Variants in MPPED2 observed in about 807,000 individuals in gnomAD.
MPPED2 encodes metallophosphoesterase domain containing 2, also known as metallophosphoesterase MPPED2.
Under a neutral mutation model 33.0 loss-of-function variants are expected in MPPED2, and 5 were observed. The ratio of observed to expected loss-of-function variants is 0.15; its 90% CI spans 0.08 to 0.32. The LOEUF (loss-of-function observed/expected upper bound fraction) is 0.32. MPPED2 is among the 10% of genes least tolerant of loss of function. The probability of loss-of-function intolerance (pLI) is 1.00; values close to 1 mark genes in which losing one functional copy is unlikely to be tolerated. For synonymous variants in MPPED2, 136 were observed against 141.9 expected, an observed-to-expected ratio of 0.96 and a Z score of 0.29; for missense variants, 275 against 372.1, an observed-to-expected ratio of 0.74 and a Z score of 2.15.
In MPPED2 at chr11:30,509,035, C is replaced by A. The variant is rs377696036; in HGVS notation, c.311-13514G>T. The stretch of plus-strand genomic sequence containing the variant: ...ATGTGGATATGATTAGCGAAGACCT[C>A]AATTTTGGCTACAAAATGGCCTTTA... On this transcript the variant is annotated intron_variant, in intron 3 of 6. Coordinates refer to ENST00000358117, the MANE Select transcript of MPPED2 (RefSeq NM_001584.3). Among the ~76,000 whole-genome samples, 80 of 152,272 alleles carry A rather than the reference C, an allele frequency of 5.3e-4. No individual in the cohort carries two copies. The South Asian group carries it at 0.015, about 29-fold the overall frequency.
exon 7 of MPPED2, chr11:30,386,945 C>T: frequency 2.5e-6 from 1 of 393,234 alleles, no homozygotes; most frequent in Non-Finnish European, 4.5e-6. Flanking sequence ...TAACGTTTAC[C>T]ACAGTCCCGC....
intron 3 of MPPED2, among the ~76,000 whole-genome samples, chr11:30,505,558 C>T (rs1350472945): frequency 6.6e-6 from 1 of 152,196 alleles, no homozygotes; most frequent in African/African-American, 2.4e-5. Flanking sequence ...CCAAACTTTC[C>T]TTTACAAATG....
At chr11:30,465,967 T>TAC (rs1379348863) in intron 4 of MPPED2, among the ~76,000 whole-genome samples, 19 of 152,204 alleles carry the variant, frequency 1.2e-4, no homozygotes, top group African/African-American at 4.6e-4. Context: ...TTATAGTAAT[T>TAC]ACAAGGCCTT....
chr11:30,527,061 G>T (rs1449825896), intron 3 of MPPED2, among the ~76,000 whole-genome samples: 1 of 151,800 alleles, frequency 6.6e-6, no homozygotes, highest in Non-Finnish European at 1.5e-5. Context: ...GAGTAGCTGG[G>T]ACTACAGGCG....
downstream of MPPED2, among the ~76,000 whole-genome samples, chr11:30,407,077 C>T (rs1016226496): frequency 8.5e-5 from 13 of 152,150 alleles, no homozygotes; most frequent in Non-Finnish European, 1.6e-4. Context: ...TCCCAGCTTC[C>T]GTTTCTCCCT....
intron 3 of MPPED2, among the ~76,000 whole-genome samples, chr11:30,514,081 T>A (rs1953381659): frequency 6.6e-6 from 1 of 152,190 alleles, no homozygotes; most frequent in South Asian, 2.1e-4. Context: ...CTTTCCTCAA[T>A]AGCACAGCCC....
chr11:30,441,525 C>A (rs185753155), intron 4 of MPPED2: 1 of 152,286 alleles, frequency 6.6e-6, no homozygotes, highest in East Asian at 1.9e-4. Context: ...GAAATACTAA[C>A]AATTGACAAT....
chr11:30,434,879 C>T (rs941566859), intron 4 of MPPED2, among the ~76,000 whole-genome samples: 4 of 151,876 alleles, frequency 2.6e-5, no homozygotes, highest in Admixed American at 6.6e-5. Context: ...TACAGACGAT[C>T]GAATGAGGAA....
chr11:30,423,364 G>T (rs1185275102), intron 4 of MPPED2, among the ~76,000 whole-genome samples: 1 of 152,122 alleles, frequency 6.6e-6, no homozygotes, highest in Non-Finnish European at 1.5e-5. Context: ...AAAAGACTTG[G>T]GTTCTTATTA....
chr11:30,404,145 A>C (rs1359351115), intron 6 of MPPED2, among the ~76,000 whole-genome samples: 4 of 152,220 alleles, frequency 2.6e-5, no homozygotes, highest in Non-Finnish European at 4.4e-5. Flanking sequence ...ACTGGTCAGG[A>C]GGATACCATT....
intron 3 of MPPED2, among the ~76,000 whole-genome samples, chr11:30,526,779 A>G (rs1375789618): frequency 6.6e-6 from 1 of 152,048 alleles, no homozygotes; most frequent in Non-Finnish European, 1.5e-5. Context: ...TTGCATGACT[A>G]TAAACATTCC....
intron 4 of MPPED2, among the ~76,000 whole-genome samples, chr11:30,473,078 C>T (rs939239625): frequency 2.0e-5 from 3 of 152,060 alleles, no homozygotes; most frequent in African/African-American, 7.2e-5. Context: ...AGTTTAAAAG[C>T]CACTGTTCCA....
At chr11:30,433,292 C>G (rs1481956135) in intron 4 of MPPED2, among the ~76,000 whole-genome samples, 3 of 152,178 alleles carry the variant, frequency 2.0e-5, no homozygotes, top group Non-Finnish European at 4.4e-5. Flanking sequence ...AGAAAAGAAG[C>G]CTGTTTGATG....
intron 6 of MPPED2, among the ~76,000 whole-genome samples, chr11:30,412,319 G>A (rs1282758426): frequency 6.6e-6 from 1 of 150,706 alleles, no homozygotes; most frequent in Non-Finnish European, 1.5e-5. Flanking sequence ...TGTTTCCCTA[G>A]GTCTTTGGTA....
intron 3 of MPPED2, among the ~76,000 whole-genome samples, chr11:30,525,616 A>G (rs1233963453): frequency 6.6e-6 from 1 of 152,204 alleles, no homozygotes; most frequent in Non-Finnish European, 1.5e-5. Flanking sequence ...TGGAACACAG[A>G]GTCAACTCAG....
chr11:30,495,460 CTT>C lies in MPPED2; in HGVS notation c.370_371del (p.Lys124GlyfsTer8). ...IAGNHELTFD[K>X]EFMADLVKQD... ...GTTTAACAAGGTCTGCCATGAATTC[CTT>C]ATCAAATGTCAGTTCATGATTCCCA... is the stretch of plus-strand genomic sequence containing the variant. On this transcript the variant is annotated frameshift_variant, in exon 4 of 7. Transcript: ENST00000358117. LOFTEE classifies it high-confidence loss of function. The C allele has an allele frequency of 6.2e-7, 1 of 1,614,136 alleles. No homozygotes were observed.
At chr11:30,469,946 G>C (rs1461163644) in intron 4 of MPPED2, among the ~76,000 whole-genome samples, 1 of 152,134 alleles carries the variant, frequency 6.6e-6, no homozygotes, top group African/African-American at 2.4e-5. Flanking sequence ...GAACTCCATG[G>C]AGAGTAGCTT....
At chr11:30,473,015 A>G (rs1053645317) in intron 4 of MPPED2, among the ~76,000 whole-genome samples, 7 of 152,238 alleles carry the variant, frequency 4.6e-5, no homozygotes, top group East Asian at 1.9e-4. Flanking sequence ...ATAGTTATAT[A>G]TACTTATTTT....
chr11:30,579,616 G>A lies in MPPED2; in HGVS notation c.128+630C>T, dbSNP rs117598709. Reference sequence around the variant, plus strand: ...TTTAAACCTCAACATGACTTAAATAGTATTAGGGAGTGAGAGGAAAGTACA... The same window carrying A: ...TTTAAACCTCAACATGACTTAAATAATATTAGGGAGTGAGAGGAAAGTACA... On this transcript the variant is annotated intron_variant, in intron 2 of 6. Transcript: ENST00000358117. Among the ~76,000 whole-genome samples the A allele has an allele frequency of 7.0e-3, 1,064 of 152,236 alleles. 8 individuals carry two copies. Among genetic ancestry groups the A allele is most frequent in the Non-Finnish European group, 0.013 (861 of 68,004 alleles).
Sources: gnomAD v4.1 joint callset for allele counts (sites outside exome capture counted in the v4.1 genomes callset) on GRCh38, gnomAD v4.1.1 for gene constraint, MANE v1.5 for transcripts, NCBI Gene and HGNC (gene_info 2026-07-23, HGNC 2026-07-21) for gene names.